Variants in HOOK3 observed in about 807,000 individuals in gnomAD.
HOOK3 encodes hook microtubule tethering protein 3.
Under a neutral mutation model 116.3 loss-of-function variants are expected in HOOK3, and 24 were observed. The ratio of observed to expected loss-of-function variants is 0.21; its 90% CI spans 0.15 to 0.29. The LOEUF is 0.29. Among genes scored for constraint, HOOK3 ranks in the 10% least tolerant of loss-of-function variants. HOOK3 has a pLI of 1.00. For missense variants in HOOK3, 632 were observed against 830.2 expected (o/e 0.76, Z 2.93); for synonymous variants, 275 against 283.0 (o/e 0.97, Z 0.28).
In HOOK3 at chr8:43,018,284, A is replaced by G. The variant is rs967204743; in HGVS notation, c.2017-74A>G. 3 of 1,371,804 alleles carry G rather than the reference A, an allele frequency of 2.2e-6. No individual in the cohort carries two copies. In the African/African-American group the frequency reaches 4.3e-5, roughly 20 times the overall value. The allele number at this position is 1,371,804 out of a possible 1,614,324, so 85.0% of individuals were successfully genotyped here. A position where few individuals can be genotyped will look rare whatever the true frequency, so the allele number is the denominator to read the frequency against. On this transcript the variant is annotated intron_variant, in intron 21 of 21. Coordinates refer to ENST00000307602, the MANE Select transcript of HOOK3 (RefSeq NM_032410.4). ...TATGATACACTGTAACAAATTCTGC[A>G]TGATGAAATTTTCTTTTGTGAAGTA...
chr8:42,943,935 T>A (rs902404559), intron 5 of HOOK3, among the ~76,000 whole-genome samples: 1 of 152,184 alleles, frequency 6.6e-6, no homozygotes. Context: ...ATATGCAATG[T>A]TTAAATAATA....
At chr8:43,008,484 AT>A (rs1345472515) in intron 18 of HOOK3, among the ~76,000 whole-genome samples, 1 of 151,824 alleles carries the variant, frequency 6.6e-6, no homozygotes, top group Non-Finnish European at 1.5e-5. Context: ...TGCCCGGCTA[AT>A]TTTTATAATT....
At position 42,964,490 on chromosome 8, in the gene HOOK3, T is replaced by A. The variant is rs1177843898; in HGVS notation, c.779+16T>A. 3 of 1,604,034 alleles carry A rather than the reference T, an allele frequency of 1.9e-6. No individual in the cohort carries two copies. Among genetic ancestry groups the A allele is most frequent in the Non-Finnish European group, 2.5e-6 (3 of 1,176,796 alleles). ...AAACATTCAGGTAAAAGACAACTCATTAAAATCTGATTTTTAAAAATTTGT... is the reference window on the plus strand; with the variant it reads ...AAACATTCAGGTAAAAGACAACTCAATAAAATCTGATTTTTAAAAATTTGT... On this transcript the variant is annotated intron_variant, in intron 9 of 21. Coordinates refer to ENST00000307602, the MANE Select transcript of HOOK3 (RefSeq NM_032410.4).
intron 17 of HOOK3, among the ~76,000 whole-genome samples, chr8:43,006,668 A>C (rs1246599615): frequency 1.3e-5 from 2 of 152,182 alleles, no homozygotes; most frequent in African/African-American, 4.8e-5. Flanking sequence ...GCTTAGTTGT[A>C]TTATTCTTTT....
intron 9 of HOOK3, among the ~76,000 whole-genome samples, chr8:42,965,328 C>CGT (rs397720053): frequency 1.5e-4 from 23 of 151,182 alleles, no homozygotes; most frequent in African/African-American, 2.9e-4. Context: ...AATCTATATA[C>CGT]GTGTGTGTGT....
rs1336684680 is a variant in HOOK3 at position 42,924,218 on chromosome 8, G to T, written c.144-1339G>T. Among the ~76,000 whole-genome samples, 5 of 152,014 alleles carry T rather than the reference G, an allele frequency of 3.3e-5. No individual in the cohort carries two copies. The East Asian group carries it at 5.8e-4, about 18-fold the overall frequency. ...CAAGCAGGACAAACTTAGGTGTTCT[G>T]TGTGTGGCCTTAGATATGTAATTTA... On this transcript the variant is annotated intron_variant, in intron 2 of 21. Transcript: ENST00000307602.
At chr8:42,967,657 A>C (rs1456809363) in intron 10 of HOOK3, among the ~76,000 whole-genome samples, 1 of 152,030 alleles carries the variant, frequency 6.6e-6, no homozygotes, top group Non-Finnish European at 1.5e-5. Context: ...ATAAGGTAAA[A>C]TTGACATTCT....
At position 42,968,217 on chromosome 8, in the gene HOOK3, A is replaced by G. The variant is rs779381664; in HGVS notation, c.1122+3A>G. On this transcript the variant is annotated splice_donor_region_variant and intron_variant, in intron 11 of 21. Coordinates refer to ENST00000307602, the MANE Select transcript of HOOK3 (RefSeq NM_032410.4). The stretch of plus-strand genomic sequence containing the variant: ...AACTTGAAACCTACAAGAGACAGGT[A>G]AAAGAAACACAGCATCTTGATGATG... The G allele has an allele frequency of 1.9e-6, 3 of 1,606,054 alleles. No homozygotes were observed. Among genetic ancestry groups the G allele is most frequent in the Admixed American group, 1.7e-5 (1 of 59,306 alleles).
chr8:42,939,707 G>A (rs1446417200), intron 4 of HOOK3, among the ~76,000 whole-genome samples: 2 of 149,418 alleles, frequency 1.3e-5, no homozygotes, highest in African/African-American at 2.5e-5. Flanking sequence ...CTGGGCGGAG[G>A]GGCTCCTCAC....
chr8:43,028,900 G>A lies in HOOK3; in HGVS notation c.*10402G>A, dbSNP rs181724119. The A allele has an allele frequency of 2.5e-4, 51 of 202,552 alleles. 1 individual carries two copies. In the East Asian group the frequency reaches 3.0e-3, roughly 12 times the overall value. 12.5% of individuals were successfully genotyped at this position (202,552 alleles called of 1,614,324 possible). A position where few individuals can be genotyped will look rare whatever the true frequency, so the allele number is the denominator to read the frequency against. ...GCAACAGACTTGATCCAGCAGTGTC[G>A]AATTCCAAGCAAGTTATGATGATTC... On this transcript the variant is annotated 3_prime_UTR_variant, in exon 22 of 22. Coordinates refer to ENST00000307602, the MANE Select transcript of HOOK3 (RefSeq NM_032410.4).
In HOOK3 at chr8:42,930,180, C is replaced by CT. The variant is rs780456467; in HGVS notation, c.267+14dup. ...TTGGATTATAATCATGAGGTAAAGACTTTTTTCTCATTCTGCTTAGAAGTG... is the reference window on the plus strand; with the variant it reads ...TTGGATTATAATCATGAGGTAAAGACTTTTTTTCTCATTCTGCTTAGAAGTG... On this transcript the variant is annotated intron_variant, in intron 4 of 21. Coordinates refer to ENST00000307602, the MANE Select transcript of HOOK3 (RefSeq NM_032410.4). 4 of 1,525,318 alleles carry CT rather than the reference C, an allele frequency of 2.6e-6. No individual in the cohort carries two copies. Among genetic ancestry groups the CT allele is most frequent in the South Asian group, 2.6e-5 (2 of 77,048 alleles). 94.5% of individuals were successfully genotyped at this position (1,525,318 alleles called of 1,614,324 possible).
chr8:42,995,008 G>A (rs117510896), intron 15 of HOOK3, among the ~76,000 whole-genome samples: 2,497 of 152,262 alleles, frequency 0.016, 32 homozygotes, highest in Non-Finnish European at 0.022. Context: ...GAACAGTATT[G>A]TGGTATTACT....
Position 43,023,939 on chromosome 8 carries a change from C to G in HOOK3, c.*5441C>G, listed in dbSNP as rs1219336477. The G allele has an allele frequency of 5.0e-6, 1 of 199,276 alleles. No individual in the cohort carries two copies. Among genetic ancestry groups the G allele is most frequent in the Non-Finnish European group, 1.0e-5 (1 of 96,608 alleles). 12.3% of individuals were successfully genotyped at this position (199,276 alleles called of 1,614,324 possible). A position where few individuals can be genotyped will look rare whatever the true frequency, so the allele number is the denominator to read the frequency against. ...ATAAGAATTATCTTGAAACAAAAAT[C>G]TAAATTACTTTTAAAAATTCTCTTA... On this transcript the variant is annotated 3_prime_UTR_variant, in exon 22 of 22. Coordinates refer to ENST00000307602, the MANE Select transcript of HOOK3 (RefSeq NM_032410.4).
chr8:42,904,654 T>G (rs1417208250), intron 1 of HOOK3, among the ~76,000 whole-genome samples: 1 of 152,176 alleles, frequency 6.6e-6, no homozygotes, highest in Non-Finnish European at 1.5e-5. Flanking sequence ...CTCACTCCCC[T>G]GGTTCAAATC....
At chr8:42,977,492 T>G (rs1170183722) in intron 13 of HOOK3, among the ~76,000 whole-genome samples, 1 of 151,456 alleles carries the variant, frequency 6.6e-6, no homozygotes, top group African/African-American at 2.4e-5. Context: ...TTTCAATCAC[T>G]AAGAGGAAAA....
At chr8:42,975,422 G>A (rs1450975537) in intron 13 of HOOK3, among the ~76,000 whole-genome samples, 1 of 152,168 alleles carries the variant, frequency 6.6e-6, no homozygotes, top group Non-Finnish European at 1.5e-5. Flanking sequence ...TAGAGCTGGA[G>A]ATACAAAAAT....
At chr8:42,991,621 C>G (rs535828071) in intron 15 of HOOK3, among the ~76,000 whole-genome samples, 2 of 152,142 alleles carry the variant, frequency 1.3e-5, no homozygotes, top group East Asian at 3.9e-4. Context: ...GGGCTGGTCT[C>G]GAACTCCTGA....
intron 1 of HOOK3, among the ~76,000 whole-genome samples, chr8:42,897,728 A>C (rs140122870): frequency 2.6e-5 from 4 of 152,390 alleles, no homozygotes; most frequent in Admixed American, 6.5e-5. Flanking sequence ...TCTGGGCGTC[A>C]ACAATGGAAC....
Position 42,935,350 on chromosome 8 carries a change from C to T in HOOK3, c.267+5178C>T, listed in dbSNP as rs571536127. On this transcript the variant is annotated intron_variant, in intron 4 of 21. Coordinates refer to ENST00000307602, the MANE Select transcript of HOOK3 (RefSeq NM_032410.4). ...TCCCATTCTGTAGGTTGCCTTTTCACTCTGAGGATAGTTTCTTTTGCTGTG... is the reference window on the plus strand; with the variant it reads ...TCCCATTCTGTAGGTTGCCTTTTCATTCTGAGGATAGTTTCTTTTGCTGTG... Among the ~76,000 whole-genome samples the T allele has an allele frequency of 8.9e-4, 135 of 152,156 alleles. 1 individual carries two copies. Among genetic ancestry groups the T allele is most frequent in the African/African-American group, 3.2e-3 (131 of 41,506 alleles).
Sources: allele counts gnomAD v4.1 joint callset (sites outside exome capture counted in the v4.1 genomes callset), GRCh38; gene constraint gnomAD v4.1.1; transcripts MANE v1.5; gene names NCBI Gene and HGNC (gene_info 2026-07-23, HGNC 2026-07-21).